Variants in JAKMIP2 observed in about 807,000 individuals in gnomAD.
The protein encoded by JAKMIP2 is janus kinase and microtubule interacting protein 2.
Under a neutral mutation model 115.0 loss-of-function variants are expected in JAKMIP2, and 25 were observed. The observed-to-expected ratio is 0.22, with a 90% CI of 0.16 to 0.30. JAKMIP2 has a LOEUF of 0.30. Ranked by LOEUF, JAKMIP2 falls within the 10% of genes least tolerant of loss-of-function variation. The pLI is 1.00. For synonymous variants in JAKMIP2, 334 were observed against 343.6 expected, an observed-to-expected ratio of 0.97 and a Z score of 0.31; for missense variants, 642 against 957.6, an observed-to-expected ratio of 0.67 and a Z score of 4.35.
chr5:147,603,340 T>C (rs1442115829), intron 20 of JAKMIP2, among the ~76,000 whole-genome samples: 1 of 152,218 alleles, frequency 6.6e-6, no homozygotes, highest in African/African-American at 2.4e-5. Flanking sequence ...ATGATGGCAG[T>C]GGAAGTGCTC....
At chr5:147,612,863 T>C (rs1289995885) in intron 19 of JAKMIP2, among the ~76,000 whole-genome samples, 1 of 152,250 alleles carries the variant, frequency 6.6e-6, no homozygotes, top group Non-Finnish European at 1.5e-5. Flanking sequence ...GGCTGACTCA[T>C]ATAGATGTAA....
chr5:147,595,276 C>T, intron 21 of JAKMIP2: 12 of 267,640 alleles, frequency 4.5e-5, no homozygotes, highest in East Asian at 8.3e-5. Flanking sequence ...AAAGTTAATC[C>T]CCAGTGCAAG....
At chr5:147,644,291 T>G in intron 6 of JAKMIP2, 93 bp from the exon 7 acceptor site, 1 of 1,256,012 alleles carries the variant, frequency 8.0e-7, no homozygotes, top group Non-Finnish European at 1.1e-6. Flanking sequence ...TTTATGAGGC[T>G]CCAGCTAAAT....
At chr5:147,616,727 G>T (rs1203174907) in intron 19 of JAKMIP2, among the ~76,000 whole-genome samples, 1 of 152,146 alleles carries the variant, frequency 6.6e-6, no homozygotes, top group African/African-American at 2.4e-5. Flanking sequence ...AAACTTTTGT[G>T]ATGGAATCTG....
chr5:147,663,844 C>G (rs1042692686), intron 2 of JAKMIP2, among the ~76,000 whole-genome samples: 1 of 152,116 alleles, frequency 6.6e-6, no homozygotes, highest in Non-Finnish European at 1.5e-5. Context: ...CAGCTTACAC[C>G]TACGGTCCCT....
chr5:147,746,845 A>G (rs2127008836), intron 1 of JAKMIP2, among the ~76,000 whole-genome samples: 1 of 152,334 alleles, frequency 6.6e-6, no homozygotes, highest in South Asian at 2.1e-4. Context: ...GTTTCCTTTA[A>G]CACAGTTTGT....
At chr5:147,733,991 T>C (rs1315427544) in intron 1 of JAKMIP2, among the ~76,000 whole-genome samples, 1 of 152,150 alleles carries the variant, frequency 6.6e-6, no homozygotes, top group Non-Finnish European at 1.5e-5. Context: ...AGTAATGGGA[T>C]TGCTGGGTCA....
At chr5:147,606,293 T>C (rs1260700688) in intron 20 of JAKMIP2, among the ~76,000 whole-genome samples, 1 of 152,246 alleles carries the variant, frequency 6.6e-6, no homozygotes, top group Non-Finnish European at 1.5e-5. Flanking sequence ...CTAGATTTTC[T>C]TCTAAGGTTT....
intron 1 of JAKMIP2, among the ~76,000 whole-genome samples, chr5:147,690,542 TATATATATATATATA>T (rs1561540628): frequency 4.6e-3 from 8 of 1,750 alleles, no homozygotes; most frequent in African/African-American, 9.7e-3. Context: ...AAAGAGATTA[TATATATATATATATA>T]TATATATATA....
chr5:147,646,681 A>G (rs1368916788), intron 5 of JAKMIP2, among the ~76,000 whole-genome samples: 1 of 151,696 alleles, frequency 6.6e-6, no homozygotes, highest in East Asian at 1.9e-4. Flanking sequence ...ATACATATAT[A>G]TATACACATA....
intron 1 of JAKMIP2, among the ~76,000 whole-genome samples, chr5:147,751,060 A>C (rs1448606048): frequency 6.7e-6 from 1 of 149,368 alleles, no homozygotes; most frequent in African/African-American, 2.5e-5. Context: ...TTTCCCTGTT[A>C]AAAGTCAGAA....
At chr5:147,615,003 C>A (rs950601900) in intron 19 of JAKMIP2, among the ~76,000 whole-genome samples, 9 of 152,216 alleles carry the variant, frequency 5.9e-5, no homozygotes, top group African/African-American at 2.2e-4. Flanking sequence ...CTCCCAAACT[C>A]ACATACACAT....
chr5:147,623,259 G>C (rs1756937973), intron 17 of JAKMIP2, among the ~76,000 whole-genome samples: 1 of 148,950 alleles, frequency 6.7e-6, no homozygotes, highest in Admixed American at 6.6e-5. Flanking sequence ...TATTCTAATG[G>C]ATGTAAGGTG....
At chr5:147,764,611 G>C (rs1453322949) in intron 1 of JAKMIP2, among the ~76,000 whole-genome samples, 1 of 151,638 alleles carries the variant, frequency 6.6e-6, no homozygotes, top group Non-Finnish European at 1.5e-5. Flanking sequence ...TTCGGCTAGG[G>C]GCAGTGGCTC....
At chr5:147,594,318 T>TC (rs1755242517) in intron 21 of JAKMIP2, 2 of 343,162 alleles carry the variant, frequency 5.8e-6, no homozygotes, top group African/African-American at 4.2e-5. Flanking sequence ...TTTTGAGACT[T>TC]TACTGCATGC....
chr5:147,636,353 A>G (rs1487744868), intron 11 of JAKMIP2, 69 bp from the exon 12 acceptor site: 5 of 1,316,944 alleles, frequency 3.8e-6, no homozygotes, highest in African/African-American at 1.5e-5. Flanking sequence ...TTGTCAAACC[A>G]CTTTGCCAGA....
At chr5:147,592,413 T>C (rs559273463) in intron 21 of JAKMIP2, among the ~76,000 whole-genome samples, 11 of 152,324 alleles carry the variant, frequency 7.2e-5, no homozygotes, top group African/African-American at 2.6e-4. Context: ...GGCCCAGAGA[T>C]GTCCCTGAAA....
intron 1 of JAKMIP2, among the ~76,000 whole-genome samples, chr5:147,753,155 TC>T (rs1360958827): frequency 1.3e-5 from 2 of 152,178 alleles, no homozygotes; most frequent in Non-Finnish European, 2.9e-5. Flanking sequence ...AAATTAGATT[TC>T]CGTCTCTACC....
chr5:147,724,377 T>C (rs1294048422), intron 1 of JAKMIP2, among the ~76,000 whole-genome samples: 1 of 152,204 alleles, frequency 6.6e-6, no homozygotes, highest in Non-Finnish European at 1.5e-5. Context: ...TGATAGAATA[T>C]GGCAAGGTGT....
Sources: allele counts gnomAD v4.1 joint callset (sites outside exome capture counted in the v4.1 genomes callset), GRCh38; gene constraint gnomAD v4.1.1; transcripts MANE v1.5; gene names NCBI Gene and HGNC (gene_info 2026-07-23, HGNC 2026-07-21).